CAND1: variants seen among roughly 807,000 people sequenced by gnomAD.
CAND1 encodes cullin-associated NEDD8-dissociated protein 1.
Under a neutral mutation model 108.5 loss-of-function variants are expected in CAND1, and 7 were observed. That is an observed-to-expected ratio of 0.06 (90% CI 0.04 to 0.12). CAND1 has a LOEUF of 0.12. CAND1 is among the 10% of genes least tolerant of loss of function. CAND1 has a pLI of 1.00. For missense variants in CAND1, 941 were observed against 1,448.7 expected (o/e 0.65, Z 5.69); for synonymous variants, 534 against 512.0 (o/e 1.04, Z -0.58).
intron 1 of CAND1, among the ~76,000 whole-genome samples, chr12:67,276,171 C>T (rs1186922093): frequency 6.6e-6 from 1 of 152,118 alleles, no homozygotes; most frequent in Non-Finnish European, 1.5e-5. Flanking sequence ...TCATTGCCTC[C>T]CTCACTAATT....
intron 2 of CAND1, among the ~76,000 whole-genome samples, chr12:67,288,437 G>A (rs1423481615): frequency 6.6e-6 from 1 of 151,934 alleles, no homozygotes; most frequent in Non-Finnish European, 1.5e-5. Flanking sequence ...CGTCCTTTCT[G>A]ATTTTTTGTT....
intron 11 of CAND1, among the ~76,000 whole-genome samples, chr12:67,309,080 C>T (rs376406690): frequency 2.0e-5 from 3 of 151,924 alleles, no homozygotes; most frequent in East Asian, 3.8e-4. Context: ...ATATATGCGC[C>T]GTTTATTCTG....
chr12:67,284,775 C>T (rs950308960), intron 2 of CAND1, among the ~76,000 whole-genome samples: 3 of 151,920 alleles, frequency 2.0e-5, no homozygotes, highest in South Asian at 2.1e-4. Flanking sequence ...CTTCAGCCCC[C>T]GCCCCCGACA....
chr12:67,277,266 G>A (rs761996871), intron 1 of CAND1, among the ~76,000 whole-genome samples: 10 of 152,110 alleles, frequency 6.6e-5, no homozygotes, highest in Non-Finnish European at 8.8e-5. Flanking sequence ...TGCTTCTGAG[G>A]GAATTATGGA....
intron 1 of CAND1, among the ~76,000 whole-genome samples, chr12:67,273,575 G>A (rs1477445250): frequency 6.6e-6 from 1 of 151,358 alleles, no homozygotes; most frequent in Non-Finnish European, 1.5e-5. Context: ...CAACCTCCTG[G>A]GCTCAAGCGA....
chr12:67,297,296 C>G (rs1318182787), intron 4 of CAND1, 111 bp from the exon 5 acceptor site: 6 of 1,032,494 alleles, frequency 5.8e-6, no homozygotes, highest in African/African-American at 3.2e-5. Flanking sequence ...TTAGTCTCAA[C>G]TAAATTTGTG....
intron 1 of CAND1, among the ~76,000 whole-genome samples, chr12:67,281,135 A>C (rs950427216): frequency 6.6e-6 from 1 of 150,682 alleles, no homozygotes; most frequent in Non-Finnish European, 1.5e-5. Context: ...ATTATAAATA[A>C]TACTAAATTA....
intron 2 of CAND1, among the ~76,000 whole-genome samples, chr12:67,285,785 G>A (rs1165730112): frequency 6.6e-6 from 1 of 152,112 alleles, no homozygotes; most frequent in Non-Finnish European, 1.5e-5. Flanking sequence ...GAATTACGTA[G>A]TATGTGTTCC....
chr12:67,304,882 C>G, intron 9 of CAND1, 136 bp downstream of exon 9: 1 of 1,089,694 alleles, frequency 9.2e-7, no homozygotes. Context: ...ACTTTTTAAT[C>G]TAACAATCTT....
At chr12:67,285,112 AC>A (rs1352085957) in intron 2 of CAND1, among the ~76,000 whole-genome samples, 1 of 152,210 alleles carries the variant, frequency 6.6e-6, no homozygotes, top group African/African-American at 2.4e-5. Flanking sequence ...AGAAAGGAAC[AC>A]CCATTTATTA....
intron 4 of CAND1, among the ~76,000 whole-genome samples, chr12:67,296,397 A>G (rs1221075945): frequency 3.9e-5 from 6 of 152,214 alleles, no homozygotes; most frequent in Admixed American, 1.3e-4. Flanking sequence ...TAAAAAAGCA[A>G]TACAGAAAGT....
intron 3 of CAND1, 140 bp from the exon 4 acceptor site, chr12:67,294,892 GA>G: frequency 2.7e-6 from 2 of 731,692 alleles, no homozygotes; most frequent in Non-Finnish European, 4.1e-6. Flanking sequence ...AGCCTGTTTT[GA>G]AAGATGTGTT....
intron 2 of CAND1, among the ~76,000 whole-genome samples, chr12:67,287,547 A>C (rs114342503): frequency 2.0e-5 from 3 of 152,184 alleles, no homozygotes; most frequent in Non-Finnish European, 4.4e-5. Context: ...AACAATCGTC[A>C]TCAGTGAATA....
Position 67,314,354 on chromosome 12 carries a change from T to G in CAND1, c.*1524T>G, listed in dbSNP as rs1003105704. ...TGTGGTTATTAGATTAACAGCTTGA[T>G]TTTGAATGTTCAGATGATAATGCAG... On this transcript the variant is annotated 3_prime_UTR_variant, in exon 15 of 15. Transcript: ENST00000545606. 5 of 152,200 alleles carry G rather than the reference T, an allele frequency of 3.3e-5. No homozygotes were observed. The highest frequency in any genetic ancestry group is 7.4e-5 in the Non-Finnish European group (5 of 68,024). 9.4% of individuals were successfully genotyped at this position (152,200 alleles called of 1,614,324 possible).
chr12:67,304,818 A>G, intron 9 of CAND1, 72 bp downstream of exon 9: 1 of 1,535,290 alleles, frequency 6.5e-7, no homozygotes, highest in East Asian at 2.3e-5. Context: ...AAGCTTAAAT[A>G]ATTGTTTCCT....
At position 67,312,902 on chromosome 12, in the gene CAND1, A is replaced by G. The variant is rs949527533; in HGVS notation, c.*72A>G. On this transcript the variant is annotated 3_prime_UTR_variant, in exon 15 of 15. Transcript: ENST00000545606. ...TGAATTGACAGGTTAATCATAAGAC[A>G]TGGAAAGAGAAGTGTCTAAAAGCTT... The G allele has an allele frequency of 1.0e-6, 1 of 990,104 alleles. No individual in the cohort carries two copies. The highest frequency in any genetic ancestry group is 2.5e-5 in the Admixed American group (1 of 39,828). 61.3% of individuals were successfully genotyped at this position (990,104 alleles called of 1,614,324 possible).
Position 67,315,022 on chromosome 12 carries a change from A to G in CAND1, c.*2192A>G, listed in dbSNP as rs1329092991. On this transcript the variant is annotated 3_prime_UTR_variant, in exon 15 of 15. Transcript: ENST00000545606. ...TAGTCTACCACTCATGCTACTTACT[A>G]GTAATATTAAGGTGTTAAACTTAGG... is the stretch of plus-strand genomic sequence containing the variant. 1 of 152,222 alleles carries G rather than the reference A, an allele frequency of 6.6e-6. No individual in the cohort carries two copies. Among genetic ancestry groups the G allele is most frequent in the Non-Finnish European group, 1.5e-5 (1 of 68,046 alleles). The allele number at this position is 152,222 out of a possible 1,614,324, so 9.4% of individuals were successfully genotyped here. A position where few individuals can be genotyped will look rare whatever the true frequency, so the allele number is the denominator to read the frequency against.
chr12:67,306,734 CT>C, intron 10 of CAND1, 137 bp downstream of exon 10: 1 of 644,952 alleles, frequency 1.6e-6, no homozygotes, highest in Non-Finnish European at 2.6e-6. Flanking sequence ...GAAAAACTGT[CT>C]TTCGTAGTAT....
At position 67,317,226 on chromosome 12, in the gene CAND1, C is replaced by T. The variant is rs1417266573; in HGVS notation, c.*4396C>T. ...AACATGGTTTACTGCACCTCAGCTT[C>T]CTGGGCACAAGTGATTCTCCCACCT... On this transcript the variant is annotated 3_prime_UTR_variant, in exon 15 of 15. Transcript: ENST00000545606. The T allele has an allele frequency of 2.6e-5, 4 of 152,256 alleles. No homozygotes were observed. Among genetic ancestry groups the T allele is most frequent in the South Asian group, 2.1e-4 (1 of 4,828 alleles). The allele number at this position is 152,256 out of a possible 1,614,324, so 9.4% of individuals were successfully genotyped here.
Sources: gnomAD v4.1 joint callset for allele counts (sites outside exome capture counted in the v4.1 genomes callset) on GRCh38, gnomAD v4.1.1 for gene constraint, MANE v1.5 for transcripts, NCBI Gene and HGNC (gene_info 2026-07-23, HGNC 2026-07-21) for gene names.